Variants in NXPE4 observed in about 807,000 individuals in gnomAD.
NXPE4 encodes NXPE family member 4.
NXPE4 carries 42 observed loss-of-function variants against 33.3 expected under a neutral mutation model. That is an observed-to-expected ratio of 1.26 (90% CI 0.98 to 1.63). NXPE4 has a LOEUF of 1.63. Among genes scored for constraint, NXPE4 ranks in the 40% most tolerant of loss-of-function variants. The pLI is 0.00. For missense variants in NXPE4, 709 were observed against 647.6 expected (o/e 1.09, Z -1.03); for synonymous variants, 253 against 234.9 (o/e 1.08, Z -0.71).
chr11:114,588,259 T>C (rs190895346), intron 2 of NXPE4, among the ~76,000 whole-genome samples: 235 of 152,278 alleles, frequency 1.5e-3, no homozygotes, highest in Non-Finnish European at 2.1e-3. Flanking sequence ...TCCCCTAGCT[T>C]CACTCTTATC....
the NXPE4 span, among the ~76,000 whole-genome samples, chr11:114,619,087 G>C: frequency 6.6e-6 from 1 of 151,438 alleles, no homozygotes; most frequent in South Asian, 2.1e-4. Context: ...TTGCATCATG[G>C]GTAACCACTG....
At chr11:114,634,364 C>A in the NXPE4 span, among the ~76,000 whole-genome samples, 8 of 151,930 alleles carry the variant, frequency 5.3e-5, no homozygotes, top group Non-Finnish European at 7.4e-5. Flanking sequence ...TGGATATTAG[C>A]CCTTTGTCAG....
the NXPE4 span, among the ~76,000 whole-genome samples, chr11:114,605,958 T>G: frequency 2.0e-5 from 3 of 151,862 alleles, no homozygotes; most frequent in South Asian, 4.1e-4. Flanking sequence ...GGATAATAAG[T>G]GTTGCCTCGT....
chr11:114,667,648 G>A, the NXPE4 span, among the ~76,000 whole-genome samples: 1 of 152,120 alleles, frequency 6.6e-6, no homozygotes. Flanking sequence ...GCCACATCAT[G>A]AGTACGCTCA....
chr11:114,594,973 A>G (rs951672972), intron 1 of NXPE4, among the ~76,000 whole-genome samples: 2 of 152,062 alleles, frequency 1.3e-5, no homozygotes, highest in East Asian at 3.9e-4. Flanking sequence ...TGTACATTCT[A>G]CAGAACAGAT....
the NXPE4 span, among the ~76,000 whole-genome samples, chr11:114,602,856 A>T: frequency 6.8e-6 from 1 of 147,456 alleles, no homozygotes; most frequent in African/African-American, 2.5e-5. Flanking sequence ...ATCACATATA[A>T]TTATCTCATA....
chr11:114,602,280 ATATAT>A, the NXPE4 span, among the ~76,000 whole-genome samples: 1 of 118,484 alleles, frequency 8.4e-6, no homozygotes, highest in Non-Finnish European at 1.6e-5. Flanking sequence ...ATTATACTAT[ATATAT>A]GTTATCTATA....
At chr11:114,602,116 TTA>T in the NXPE4 span, among the ~76,000 whole-genome samples, 5 of 101,538 alleles carry the variant, frequency 4.9e-5, no homozygotes, top group African/African-American at 8.2e-5. Context: ...ATATATATAA[TTA>T]TATATATTAT....
At chr11:114,602,720 T>C in the NXPE4 span, among the ~76,000 whole-genome samples, 1 of 141,634 alleles carries the variant, frequency 7.1e-6, no homozygotes, top group Non-Finnish European at 1.5e-5. Context: ...GAATCACATA[T>C]AATTATCTCA....
the NXPE4 span, among the ~76,000 whole-genome samples, chr11:114,635,003 A>G: frequency 6.6e-6 from 1 of 152,008 alleles, no homozygotes; most frequent in Admixed American, 6.6e-5. Flanking sequence ...CTGTGAAGAA[A>G]GTCATTGGTA....
chr11:114,611,561 A>C, the NXPE4 span, among the ~76,000 whole-genome samples: 14 of 151,906 alleles, frequency 9.2e-5, no homozygotes, highest in African/African-American at 3.4e-4. Context: ...TTGGGTAACC[A>C]GTATTACCTG....
At chr11:114,601,324 A>G in the NXPE4 span, among the ~76,000 whole-genome samples, 1 of 149,086 alleles carries the variant, frequency 6.7e-6, no homozygotes, top group Non-Finnish European at 1.5e-5. Flanking sequence ...AATCCCACTT[A>G]TAAGTGAGAA....
intron 4 of NXPE4, among the ~76,000 whole-genome samples, 187 bp from the exon 5 acceptor site, chr11:114,580,525 A>C (rs1591335602): frequency 6.6e-6 from 1 of 152,144 alleles, no homozygotes; most frequent in African/African-American, 2.4e-5. Context: ...CTCTGATGTG[A>C]ATTTCCTAAA....
chr11:114,606,853 T>A, the NXPE4 span, among the ~76,000 whole-genome samples: 1 of 142,170 alleles, frequency 7.0e-6, no homozygotes, highest in East Asian at 2.2e-4. Context: ...TCGTGGGTAA[T>A]CACTGTTATG....
chr11:114,588,159 G>A (rs1473744664), intron 2 of NXPE4, among the ~76,000 whole-genome samples: 1 of 152,142 alleles, frequency 6.6e-6, no homozygotes, highest in Non-Finnish European at 1.5e-5. Context: ...CAGCTATTGA[G>A]TGTCCAGGCC....
the NXPE4 span, among the ~76,000 whole-genome samples, chr11:114,613,769 GC>G: frequency 6.6e-6 from 1 of 152,042 alleles, no homozygotes; most frequent in East Asian, 1.9e-4. Context: ...AATAAGTGTT[GC>G]CTGGTGGGTA....
chr11:114,582,550 C>A lies in NXPE4; in HGVS notation c.568G>T (p.Ala190Ser). 1 of 1,614,172 alleles carries A rather than the reference C, an allele frequency of 6.2e-7. No individual in the cohort carries two copies. The highest frequency in any genetic ancestry group is 8.5e-7 in the Non-Finnish European group (1 of 1,180,014). ...LLIHPSEGVS[A>S]LWSARNQGYD... Reference sequence around the variant, plus strand: ...CCTTGGTTCCTTGCACTCCAGAGAGCTGACACCCCTTCACTGGGGTGGATG... The same window carrying A: ...CCTTGGTTCCTTGCACTCCAGAGAGATGACACCCCTTCACTGGGGTGGATG... The change falls in exon 3 of 6, where the codon GCT becomes TCT. Residue 190 changes from alanine to serine, a missense_variant. Coordinates refer to ENST00000375478, the MANE Select transcript of NXPE4 (RefSeq NM_001077639.2).
the NXPE4 span, among the ~76,000 whole-genome samples, chr11:114,609,906 A>G: frequency 6.6e-6 from 1 of 151,884 alleles, no homozygotes. Flanking sequence ...CCTCCTGGGT[A>G]ACTACCATTA....
chr11:114,639,854 A>ATATATTATATTAAATATAAAATATAATC, the NXPE4 span, among the ~76,000 whole-genome samples: 1 of 90,644 alleles, frequency 1.1e-5, no homozygotes, highest in Non-Finnish European at 1.9e-5. Flanking sequence ...AAAATATAAT[A>ATATATTATATTAAATATAAAATATAATC]TATATTATAT....
Sources: allele counts gnomAD v4.1 joint callset (sites outside exome capture counted in the v4.1 genomes callset), GRCh38; gene constraint gnomAD v4.1.1; transcripts MANE v1.5; gene names NCBI Gene and HGNC (gene_info 2026-07-23, HGNC 2026-07-21).